The following PHF20 variants were observed in gnomAD, a reference collection of about 807,000 sequenced individuals.
PHF20 encodes glioma-expressed antigen 2.
A neutral mutation model predicts 113.5 loss-of-function variants in PHF20; 23 were observed. The observed-to-expected ratio is 0.20, with a 90% CI of 0.15 to 0.29. The LOEUF (loss-of-function observed/expected upper bound fraction) is 0.29. Ranked by LOEUF, PHF20 falls within the 10% of genes least tolerant of loss-of-function variation. PHF20 has a pLI of 1.00. For synonymous variants in PHF20, 434 were observed against 457.3 expected (o/e 0.95, Z 0.65); for missense variants, 943 against 1,219.6 (o/e 0.77, Z 3.38).
chr20:35,918,780 A>G (rs575013192), intron 13 of PHF20, among the ~76,000 whole-genome samples: 1 of 152,336 alleles, frequency 6.6e-6, no homozygotes, highest in African/African-American at 2.4e-5. Flanking sequence ...AGTAGAGCTT[A>G]CAGATTATCG....
At position 35,801,551 on chromosome 20, in the gene PHF20, G is replaced by C; in HGVS notation, c.29G>C (p.Gly10Ala). Residue 10 changes from glycine (G) to alanine (A), a missense_variant, in exon 2 of 18, where the codon GGA (glycine) becomes GCA (alanine). Coordinates refer to ENST00000374012, the MANE Select transcript of PHF20 (RefSeq NM_016436.5). ...ACAAAGCATCCACCTAACAGACGAG[G>C]AATCAGCTTTGAAGTGGGAGCCCAG... is the stretch of plus-strand genomic sequence containing the variant. MTKHPPNRR[G>A]ISFEVGAQLE... 1.2e-6 allele frequency: 2 copies of C among 1,613,890 alleles called. No individual in the cohort carries two copies. The highest frequency in any genetic ancestry group is 1.7e-6 in the Non-Finnish European group (2 of 1,179,826).
At chr20:35,857,264 T>G (rs73283078) in intron 4 of PHF20, among the ~76,000 whole-genome samples, 1,710 of 152,286 alleles carry the variant, frequency 0.011, 23 homozygotes, top group African/African-American at 0.038. Flanking sequence ...GAAAGTGTTG[T>G]TTGGGTACAA....
chr20:35,796,619 C>G (rs1191758009), intron 1 of PHF20, among the ~76,000 whole-genome samples: 2 of 152,184 alleles, frequency 1.3e-5, no homozygotes, highest in African/African-American at 4.8e-5. Flanking sequence ...TTAGGTATTT[C>G]TGCTTGTTAT....
At chr20:35,802,141 G>C (rs888883454) in intron 2 of PHF20, among the ~76,000 whole-genome samples, 1 of 152,106 alleles carries the variant, frequency 6.6e-6, no homozygotes, top group Non-Finnish European at 1.5e-5. Flanking sequence ...GTAATTAGCT[G>C]CTTTGTGCAT....
rs144978733 is a variant in PHF20 at position 35,946,754 on chromosome 20, G to C, written c.2897-731G>C. On this transcript the variant is annotated intron_variant, in intron 17 of 17. Transcript: ENST00000374012. ...GAGATGGAGTCTCGCTTTGTCGCCA[G>C]GCTGGAGTGCAGTGGCACGATCTCG... is the stretch of plus-strand genomic sequence containing the variant. 7.9e-3 allele frequency among the ~76,000 whole-genome samples: 1,186 copies of C among 150,860 alleles called. 11 individuals carry two copies. Among genetic ancestry groups the C allele is most frequent in the Middle Eastern group, 0.024 (7 of 292 alleles).
chr20:35,841,362 CAAAAT>C (rs1023031002), intron 2 of PHF20, among the ~76,000 whole-genome samples: 11 of 151,514 alleles, frequency 7.3e-5, no homozygotes, highest in Admixed American at 3.3e-4. Flanking sequence ...ATCAATCAAT[CAAAAT>C]AAAACGAAAC....
chr20:35,934,655 A>G (rs2055829499), intron 15 of PHF20, among the ~76,000 whole-genome samples: 1 of 150,430 alleles, frequency 6.6e-6, no homozygotes, highest in Non-Finnish European at 1.5e-5. Context: ...AGGGAGGGCA[A>G]ATAGTTTCAT....
At chr20:35,897,826 T>C (rs6058350) in intron 9 of PHF20, among the ~76,000 whole-genome samples, 39,220 of 151,082 alleles carry the variant, frequency 0.26, 6,092 homozygotes, top group African/African-American at 0.44. Context: ...CTCGGCCTCC[T>C]AAAGTGCTGG....
chr20:35,871,777 A>G lies in PHF20; in HGVS notation c.1230A>G (p.Lys410=). 6.2e-7 allele frequency: 1 copy of G among 1,613,444 alleles called. No individual in the cohort carries two copies. The highest frequency in any genetic ancestry group is 8.5e-7 in the Non-Finnish European group (1 of 1,179,626). ...NCPSMGENTM[K]TEPTSPLVEL... ...CATCAATGGGAGAAAACACGATGAA[A>G]ACAGAACCGACTTCTCCCCTTGTGG... The change falls in exon 9 of 18, where the codon AAA becomes AAG. Residue 410 remains lysine, a synonymous_variant. Transcript: ENST00000374012.
At chr20:35,904,686 C>A (rs1039274890) in intron 10 of PHF20, among the ~76,000 whole-genome samples, 1 of 151,968 alleles carries the variant, frequency 6.6e-6, no homozygotes, top group African/African-American at 2.4e-5. Flanking sequence ...GTCTGAGAGT[C>A]CGTAGACTGA....
intron 9 of PHF20, among the ~76,000 whole-genome samples, chr20:35,874,573 T>C (rs2054483898): frequency 6.6e-6 from 1 of 152,020 alleles, no homozygotes; most frequent in African/African-American, 2.4e-5. Flanking sequence ...AGCCTGGACC[T>C]CCTGGGCTCA....
chr20:35,943,643 C>T (rs574841080), intron 17 of PHF20, among the ~76,000 whole-genome samples: 34 of 151,406 alleles, frequency 2.2e-4, no homozygotes, highest in Middle Eastern at 3.4e-3. Context: ...ATTTTTGAGA[C>T]GGAGTCTCGG....
intron 1 of PHF20, among the ~76,000 whole-genome samples, chr20:35,791,251 C>T (rs1569120050): frequency 6.6e-6 from 1 of 152,062 alleles, no homozygotes; most frequent in Non-Finnish European, 1.5e-5. Flanking sequence ...GTGTAATTAA[C>T]TGGAGTCAGC....
chr20:35,930,542 G>C (rs962341917), intron 14 of PHF20, among the ~76,000 whole-genome samples: 1 of 152,086 alleles, frequency 6.6e-6, no homozygotes, highest in African/African-American at 2.4e-5. Flanking sequence ...GCATGGTGGT[G>C]CACACCTGTA....
chr20:35,891,955 C>T (rs1346831793), intron 9 of PHF20, among the ~76,000 whole-genome samples: 3 of 151,972 alleles, frequency 2.0e-5, no homozygotes, highest in East Asian at 1.9e-4. Flanking sequence ...CTGCAACCTC[C>T]GCCTACCGGG....
intron 1 of PHF20, chr20:35,782,310 T>C (rs1204408059): frequency 1.3e-5 from 2 of 151,608 alleles, no homozygotes; most frequent in East Asian, 3.9e-4. Context: ...TTTGAGACAT[T>C]CTCACTCTGT....
chr20:35,804,155 A>G (rs887924889), intron 2 of PHF20, among the ~76,000 whole-genome samples: 16 of 151,522 alleles, frequency 1.1e-4, no homozygotes, highest in Admixed American at 9.9e-4. Flanking sequence ...GCTCATTGCA[A>G]CATCCGCCTC....
At chr20:35,927,734 G>A in intron 13 of PHF20, 46 bp from the exon 14 acceptor site, 1 of 1,460,800 alleles carries the variant, frequency 6.8e-7, no homozygotes, top group Non-Finnish European at 9.6e-7. Context: ...TTTGGATGGA[G>A]AACACCTTCT....
intron 10 of PHF20, among the ~76,000 whole-genome samples, chr20:35,912,105 T>C (rs2055317856): frequency 6.6e-6 from 1 of 151,830 alleles, no homozygotes; most frequent in Non-Finnish European, 1.5e-5. Flanking sequence ...CTCAGCCTCC[T>C]GAGTAGCTGG....
Sources: allele counts gnomAD v4.1 joint callset (sites outside exome capture counted in the v4.1 genomes callset), GRCh38; gene constraint gnomAD v4.1.1; transcripts MANE v1.5; gene names NCBI Gene and HGNC (gene_info 2026-07-23, HGNC 2026-07-21).